The following DLC1 variants were observed in gnomAD, a reference collection of about 807,000 sequenced individuals.
The protein encoded by DLC1 is rho GTPase-activating protein 7.
Under a neutral mutation model 140.3 loss-of-function variants are expected in DLC1, and 54 were observed. That is an observed-to-expected ratio of 0.38 (90% CI 0.31 to 0.48). The LOEUF is 0.48. Among genes scored for constraint, DLC1 ranks in the 20% least tolerant of loss-of-function variants. The pLI, the probability that DLC1 is intolerant of heterozygous loss-of-function variation, is 0.96. For missense variants in DLC1, 2,536 were observed against 1,907.0 expected (o/e 1.33, Z -6.14); for synonymous variants, 986 against 728.1 (o/e 1.35, Z -5.70).
At chr8:13,551,676 C>G (rs182950240) in intron 1 of DLC1, among the ~76,000 whole-genome samples, 2 of 151,854 alleles carry the variant, frequency 1.3e-5, no homozygotes, top group Admixed American at 1.3e-4. Flanking sequence ...CTTATTTTAT[C>G]TAGATGAAAA....
At chr8:13,414,799 T>A (rs1837968302) in intron 2 of DLC1, among the ~76,000 whole-genome samples, 1 of 152,060 alleles carries the variant, frequency 6.6e-6, no homozygotes, top group Non-Finnish European at 1.5e-5. Context: ...ATGTTATCAT[T>A]TTTTTTGAGG....
chr8:13,419,066 T>C (rs1212217239), intron 2 of DLC1, among the ~76,000 whole-genome samples: 1 of 152,130 alleles, frequency 6.6e-6, no homozygotes, highest in Admixed American at 6.6e-5. Flanking sequence ...ATTGATTTTG[T>C]ATCCTGAGAC....
chr8:13,295,782 C>T lies in DLC1; in HGVS notation c.1348+9487G>A, dbSNP rs557635334. ...CATGTAACTTTCCAAAGTAAACATA[C>T]CTCTCCAAAGAAACTAGGATCAATC... On this transcript the variant is annotated intron_variant, in intron 5 of 17. Coordinates refer to ENST00000276297, the MANE Select transcript of DLC1 (RefSeq NM_182643.3). Among the ~76,000 whole-genome samples the T allele has an allele frequency of 3.3e-5, 5 of 152,062 alleles. No homozygotes were observed. The South Asian group carries it at 1.0e-3, about 32-fold the overall frequency.
upstream of DLC1, among the ~76,000 whole-genome samples, chr8:13,518,624 C>T (rs1449433479): frequency 6.6e-6 from 1 of 152,184 alleles, no homozygotes; most frequent in Non-Finnish European, 1.5e-5. Context: ...TAAGTAGCAA[C>T]ATCATTAATT....
chr8:13,154,971 C>A (rs1452620132), intron 5 of DLC1, among the ~76,000 whole-genome samples: 1 of 152,080 alleles, frequency 6.6e-6, no homozygotes, highest in East Asian at 1.9e-4. Context: ...TGAATAAACT[C>A]AAAAGTGAAA....
intron 4 of DLC1, among the ~76,000 whole-genome samples, chr8:13,333,896 C>T (rs550653592): frequency 6.6e-6 from 1 of 152,120 alleles, no homozygotes; most frequent in African/African-American, 2.4e-5. Flanking sequence ...CAAGTGTCTT[C>T]TCTGTGTGCC....
intron 4 of DLC1, among the ~76,000 whole-genome samples, chr8:13,364,232 C>T (rs140134512): frequency 1.3e-5 from 2 of 152,128 alleles, no homozygotes; most frequent in Non-Finnish European, 2.9e-5. Flanking sequence ...TTCAGATCTG[C>T]TTACCTAGTT....
intron 4 of DLC1, 81 bp from the exon 5 acceptor site, chr8:13,305,383 T>A (rs920831100): frequency 1.4e-6 from 2 of 1,409,352 alleles, no homozygotes; most frequent in East Asian, 4.7e-5. Context: ...CGAAGTGTAA[T>A]TAATGACGCA....
intron 5 of DLC1, chr8:13,304,907 C>G: frequency 1.0e-6 from 1 of 996,250 alleles, no homozygotes; most frequent in Non-Finnish European, 1.2e-6. Context: ...TCTGTGGCTA[C>G]TAAGTCATTA....
At chr8:13,528,818 G>T (rs1388609847) in intron 1 of DLC1, among the ~76,000 whole-genome samples, 1 of 152,176 alleles carries the variant, frequency 6.6e-6, no homozygotes, top group African/African-American at 2.4e-5. Context: ...GTCAGTTTGA[G>T]CAACAGACCC....
chr8:13,144,063 T>A (rs1336165841), intron 5 of DLC1, among the ~76,000 whole-genome samples: 1 of 152,194 alleles, frequency 6.6e-6, no homozygotes, highest in Non-Finnish European at 1.5e-5. Flanking sequence ...AAGTATCATT[T>A]CTGGGTATCT....
At chr8:13,112,896 A>G (rs1403612296) in intron 6 of DLC1, among the ~76,000 whole-genome samples, 2 of 152,172 alleles carry the variant, frequency 1.3e-5, no homozygotes, top group Admixed American at 1.3e-4. Context: ...AGCTGATATT[A>G]AGGAATATTT....
At chr8:13,601,155 C>T (rs1317201612) in intron 1 of DLC1, among the ~76,000 whole-genome samples, 3 of 151,704 alleles carry the variant, frequency 2.0e-5, no homozygotes, top group Non-Finnish European at 1.5e-5. Flanking sequence ...TAACATAATA[C>T]TCAGTCTGCG....
At chr8:13,510,915 T>C (rs1337902733) in intron 1 of DLC1, among the ~76,000 whole-genome samples, 1 of 152,192 alleles carries the variant, frequency 6.6e-6, no homozygotes, top group African/African-American at 2.4e-5. Context: ...TTACAGGATG[T>C]CTGGAAAATA....
At position 13,224,772 on chromosome 8, in the gene DLC1, C is replaced by T. The variant is rs553561309; in HGVS notation, c.1348+80497G>A. Among the ~76,000 whole-genome samples, 8 of 152,252 alleles carry T rather than the reference C, an allele frequency of 5.3e-5. No individual in the cohort carries two copies. In the South Asian group the frequency reaches 1.2e-3, roughly 24 times the overall value. On this transcript the variant is annotated intron_variant, in intron 5 of 17. Coordinates refer to ENST00000276297, the MANE Select transcript of DLC1 (RefSeq NM_182643.3). ...TATGGACAGTGTCTACAAGAGTGAG[C>T]GCCTACAGATTTTTTCTCTTCCTGC... is the stretch of plus-strand genomic sequence containing the variant.
intron 5 of DLC1, among the ~76,000 whole-genome samples, chr8:13,164,494 T>G (rs1444776609): frequency 6.6e-6 from 1 of 152,142 alleles, no homozygotes; most frequent in Non-Finnish European, 1.5e-5. Flanking sequence ...ATGCCTGATA[T>G]CTTCCCCTTG....
At chr8:13,259,638 T>G (rs73557924) in intron 5 of DLC1, among the ~76,000 whole-genome samples, 19,332 of 152,186 alleles carry the variant, frequency 0.13, 1,289 homozygotes, top group South Asian at 0.24. Context: ...ACTTAAATTG[T>G]AGGCTTGGTT....
In DLC1 at chr8:13,499,923, A is replaced by G; in HGVS notation, c.149T>C (p.Leu50Pro). The stretch of plus-strand genomic sequence containing the variant: ...ACACTTCTCTTTGCGGTCCACATTT[A>G]GAGTTGCATCTTTTTCCATACTTGC... ...LQASMEKDAT[L>P]NVDRKEKCVS... is the part of the protein sequence containing the mutation. Residue 50 changes from leucine (L) to proline (P), a missense_variant, in exon 2 of 18, where the codon CTA becomes CCA. By Grantham distance (98) the Leu-to-Pro change is moderately conservative. Coordinates refer to ENST00000276297, the MANE Select transcript of DLC1 (RefSeq NM_182643.3). 6.2e-7 allele frequency: 1 copy of G among 1,614,126 alleles called. No homozygotes were observed. The highest frequency in any genetic ancestry group is 8.5e-7 in the Non-Finnish European group (1 of 1,179,992).
intron 5 of DLC1, among the ~76,000 whole-genome samples, chr8:13,287,642 A>G (rs1831580113): frequency 6.6e-6 from 1 of 152,218 alleles, no homozygotes; most frequent in Admixed American, 6.5e-5. Context: ...TTAACATTTC[A>G]ATTGGAAATT....
Sources: allele counts gnomAD v4.1 joint callset (sites outside exome capture counted in the v4.1 genomes callset), GRCh38; gene constraint gnomAD v4.1.1; transcripts MANE v1.5; gene names NCBI Gene and HGNC (gene_info 2026-07-23, HGNC 2026-07-21).